The following GNG12 variants were observed in gnomAD, a reference collection of about 807,000 sequenced individuals.
The protein encoded by GNG12 is guanine nucleotide-binding protein G(I)/G(S)/G(O) subunit gamma-12.
For missense variants in GNG12, 69 were observed against 83.8 expected (o/e 0.82, Z 0.69); for synonymous variants, 28 against 29.7 (o/e 0.94, Z 0.19).
chr1:67,724,237 G>C (rs1646372873), intron 2 of GNG12, among the ~76,000 whole-genome samples: 1 of 152,124 alleles, frequency 6.6e-6, no homozygotes, highest in Admixed American at 6.5e-5. Flanking sequence ...TCAGGACTGC[G>C]CTCAGAAATT....
At position 67,709,082 on chromosome 1, in the gene GNG12, G is replaced by A. The variant is rs567795676; in HGVS notation, c.-26-1370C>T. Among the ~76,000 whole-genome samples, 7 of 152,370 alleles carry A rather than the reference G, an allele frequency of 4.6e-5. No individual in the cohort carries two copies. The South Asian group carries it at 1.4e-3, about 32-fold the overall frequency. ...CTTGTAGCCTCTGTGGTCAGAGGAA[G>A]TTTTGGGTCAAATGCACAAATAAAA... On this transcript the variant is annotated intron_variant, in intron 2 of 3. Coordinates refer to ENST00000370982, the MANE Select transcript of GNG12 (RefSeq NM_018841.6).
intron 2 of GNG12, among the ~76,000 whole-genome samples, chr1:67,767,002 T>C (rs1159048042): frequency 1.3e-5 from 2 of 152,220 alleles, no homozygotes; most frequent in African/African-American, 4.8e-5. Flanking sequence ...TCAGAGTGTG[T>C]GTGTCCCTGA....
intron 1 of GNG12, among the ~76,000 whole-genome samples, chr1:67,831,549 G>A (rs1194912926): frequency 6.6e-6 from 1 of 152,128 alleles, no homozygotes; most frequent in South Asian, 2.1e-4. Flanking sequence ...AGCAAAAATA[G>A]GACTGCATTA....
Position 67,827,071 on chromosome 1 carries a change from A to C in GNG12, c.-77+6273T>G, listed in dbSNP as rs192367523. Among the ~76,000 whole-genome samples the C allele has an allele frequency of 8.5e-4, 129 of 152,360 alleles. 1 individual carries two copies. Among genetic ancestry groups the C allele is most frequent in the Middle Eastern group, 3.4e-3 (1 of 294 alleles). On this transcript the variant is annotated intron_variant, in intron 1 of 3. Coordinates refer to ENST00000370982, the MANE Select transcript of GNG12 (RefSeq NM_018841.6). ...CCATTCTGAATCAAGACAATTCTCT[A>C]CACACAATGCAAGTGCAGAGATGGC...
chr1:67,785,501 T>C (rs966319695), intron 1 of GNG12, among the ~76,000 whole-genome samples: 1 of 152,164 alleles, frequency 6.6e-6, no homozygotes, highest in Non-Finnish European at 1.5e-5. Flanking sequence ...TGCACTTCTC[T>C]GACTGGGTGG....
chr1:67,772,631 A>C (rs1020475504), intron 2 of GNG12: 4 of 152,204 alleles, frequency 2.6e-5, no homozygotes, highest in African/African-American at 9.6e-5. Flanking sequence ...TGCTAGACAA[A>C]TTCTAAAAGA....
chr1:67,819,615 C>G (rs1037877685), intron 1 of GNG12, among the ~76,000 whole-genome samples: 1 of 152,220 alleles, frequency 6.6e-6, no homozygotes, highest in African/African-American at 2.4e-5. Flanking sequence ...GCAGATTTCC[C>G]TGCAAATTCT....
intron 3 of GNG12, among the ~76,000 whole-genome samples, chr1:67,706,951 C>T (rs993470050): frequency 4.6e-5 from 7 of 152,150 alleles, no homozygotes; most frequent in Non-Finnish European, 8.8e-5. Flanking sequence ...TGAGCCACCG[C>T]GCCTGGCCAA....
chr1:67,757,459 G>A (rs914651778), intron 2 of GNG12, among the ~76,000 whole-genome samples: 5 of 152,114 alleles, frequency 3.3e-5, no homozygotes, highest in Non-Finnish European at 5.9e-5. Flanking sequence ...GTCTCCTTCC[G>A]TCACTCAAGT....
At chr1:67,797,097 T>C (rs1050584507) in intron 1 of GNG12, among the ~76,000 whole-genome samples, 5 of 152,168 alleles carry the variant, frequency 3.3e-5, no homozygotes, top group East Asian at 1.9e-4. Flanking sequence ...ACCTCCAACA[T>C]TGGGGATCAC....
At chr1:67,746,706 A>G (rs1646509695) in intron 2 of GNG12, among the ~76,000 whole-genome samples, 1 of 152,248 alleles carries the variant, frequency 6.6e-6, no homozygotes, top group Non-Finnish European at 1.5e-5. Flanking sequence ...TTTTTAAATT[A>G]TGTGCAAAAA....
intron 2 of GNG12, among the ~76,000 whole-genome samples, chr1:67,767,069 T>C (rs551995494): frequency 6.6e-6 from 1 of 152,280 alleles, no homozygotes; most frequent in Admixed American, 6.5e-5. Context: ...GGGGGTCCTC[T>C]TTAGAAAAAT....
chr1:67,707,822 C>G (rs1646258985), intron 2 of GNG12, 110 bp from the exon 3 acceptor site: 13 of 602,586 alleles, frequency 2.2e-5, no homozygotes, highest in Non-Finnish European at 5.7e-6. Flanking sequence ...CTAGTCATCA[C>G]AGCTTCTTGG....
chr1:67,804,668 G>A lies in GNG12; in HGVS notation c.-76-27161C>T, dbSNP rs970134486. Among the ~76,000 whole-genome samples, 83 of 151,984 alleles carry A rather than the reference G, an allele frequency of 5.5e-4. 1 individual carries two copies. The highest frequency in any genetic ancestry group is 2.1e-4 in the South Asian group (1 of 4,830). On this transcript the variant is annotated intron_variant, in intron 1 of 3. Coordinates refer to ENST00000370982, the MANE Select transcript of GNG12 (RefSeq NM_018841.6). Reference sequence around the variant, plus strand: ...ACTGCCCCAAAAGTTGGAGAGATAGGCAGGTAGACACAGAAAATCATAGTA... The same window carrying A: ...ACTGCCCCAAAAGTTGGAGAGATAGACAGGTAGACACAGAAAATCATAGTA...
intron 2 of GNG12, among the ~76,000 whole-genome samples, chr1:67,765,992 G>A (rs1440709655): frequency 2.0e-5 from 3 of 152,074 alleles, no homozygotes; most frequent in African/African-American, 7.2e-5. Flanking sequence ...ACAGCTGTGA[G>A]CCTTAAGCCT....
intron 1 of GNG12, among the ~76,000 whole-genome samples, chr1:67,794,641 T>C (rs543364969): frequency 1.3e-5 from 2 of 152,336 alleles, no homozygotes; most frequent in Non-Finnish European, 2.9e-5. Flanking sequence ...CCAAATTAGT[T>C]CAGCTTTTCT....
At chr1:67,759,609 C>T (rs1194452112) in intron 2 of GNG12, among the ~76,000 whole-genome samples, 2 of 152,148 alleles carry the variant, frequency 1.3e-5, no homozygotes, top group East Asian at 3.8e-4. Context: ...TAAATGAAAT[C>T]ATGCAAGTAT....
intron 1 of GNG12, among the ~76,000 whole-genome samples, chr1:67,828,079 G>A (rs1177191391): frequency 6.6e-6 from 1 of 152,152 alleles, no homozygotes; most frequent in Non-Finnish European, 1.5e-5. Context: ...AGGATTTAGC[G>A]AGTCAGTTCC....
intron 1 of GNG12, among the ~76,000 whole-genome samples, chr1:67,809,027 T>A (rs1447580928): frequency 6.6e-6 from 1 of 152,168 alleles, no homozygotes. Flanking sequence ...ACCACTTGAT[T>A]TCAAGACTTA....
Sources: allele counts gnomAD v4.1 joint callset (sites outside exome capture counted in the v4.1 genomes callset), GRCh38; gene constraint gnomAD v4.1.1; transcripts MANE v1.5; gene names NCBI Gene and HGNC (gene_info 2026-07-23, HGNC 2026-07-21).